The following DLG2 variants were observed in gnomAD, a reference collection of about 807,000 sequenced individuals.
DLG2 encodes discs large MAGUK scaffold protein 2.
DLG2 carries 45 observed loss-of-function variants against 132.5 expected under a neutral mutation model. The observed-to-expected ratio is 0.34, with a 90% CI of 0.27 to 0.44. The LOEUF (loss-of-function observed/expected upper bound fraction) is 0.44, where lower values mean the gene tolerates loss of function less well. DLG2 is among the 20% of genes least tolerant of loss of function. DLG2 has a pLI of 1.00. For synonymous variants in DLG2, 424 were observed against 419.6 expected, an observed-to-expected ratio of 1.01 and a Z score of -0.13; for missense variants, 1,045 against 1,196.9, an observed-to-expected ratio of 0.87 and a Z score of 1.87.
intron 18 of DLG2, among the ~76,000 whole-genome samples, chr11:83,681,467 C>A (rs1178811670): frequency 6.6e-6 from 1 of 152,136 alleles, no homozygotes. Flanking sequence ...AACAGTCATG[C>A]CTTCTGCATT....
In DLG2 at chr11:85,349,459, T is replaced by C. The variant is rs138582128; in HGVS notation, c.41-64094A>G. On this transcript the variant is annotated intron_variant, in intron 3 of 27. Transcript: ENST00000376104. ...AAAGTTCTAGGGTACATGTGCACAA[T>C]GTGTAGGTTTGATACATAGGTATAC... 7.4e-3 allele frequency among the ~76,000 whole-genome samples: 1,131 copies of C among 152,144 alleles called. 23 individuals are homozygous for C. Among genetic ancestry groups the C allele is most frequent in the African/African-American group, 0.026 (1,085 of 41,448 alleles).
chr11:84,336,264 A>G (rs1158676682), intron 7 of DLG2, among the ~76,000 whole-genome samples: 1 of 152,206 alleles, frequency 6.6e-6, no homozygotes, highest in Non-Finnish European at 1.5e-5. Context: ...TCACAACTGG[A>G]GGATAGCTGT....
intron 3 of DLG2, among the ~76,000 whole-genome samples, chr11:85,480,914 A>G (rs1477411358): frequency 1.3e-5 from 2 of 152,222 alleles, no homozygotes; most frequent in Non-Finnish European, 2.9e-5. Context: ...AACTCTTTCA[A>G]AATAGGCAAA....
chr11:85,197,874 GTCA>G (rs1156507632), intron 4 of DLG2, among the ~76,000 whole-genome samples: 1 of 152,236 alleles, frequency 6.6e-6, no homozygotes, highest in South Asian at 2.1e-4. Flanking sequence ...ATGGTATTGG[GTCA>G]TCATTTAGCT....
chr11:84,461,324 T>A (rs530320935), intron 7 of DLG2, among the ~76,000 whole-genome samples: 141 of 151,038 alleles, frequency 9.3e-4, no homozygotes, highest in Non-Finnish European at 1.5e-3. Flanking sequence ...ATGCCACACA[T>A]GGAACAATTA....
chr11:84,444,844 G>A (rs1013490621), intron 7 of DLG2, among the ~76,000 whole-genome samples: 3 of 143,632 alleles, frequency 2.1e-5, no homozygotes, highest in African/African-American at 7.8e-5. Context: ...CACTCTTGTC[G>A]TCCAGATTGG....
intron 6 of DLG2, among the ~76,000 whole-genome samples, chr11:84,712,355 G>T (rs946082348): frequency 2.0e-5 from 3 of 152,010 alleles, no homozygotes; most frequent in African/African-American, 4.8e-5. Context: ...AGTATGTATT[G>T]TCAAGGGGGT....
intron 7 of DLG2, among the ~76,000 whole-genome samples, chr11:84,407,714 T>C (rs780677122): frequency 1.3e-5 from 2 of 152,198 alleles, no homozygotes; most frequent in African/African-American, 2.4e-5. Context: ...GCAGTGCTAG[T>C]GTAACACTCT....
At chr11:84,129,479 G>T (rs2094322788) in intron 9 of DLG2, among the ~76,000 whole-genome samples, 1 of 152,082 alleles carries the variant, frequency 6.6e-6, no homozygotes, top group Admixed American at 6.6e-5. Flanking sequence ...ACTCAAACCT[G>T]AATGTTGTAC....
intron 4 of DLG2, among the ~76,000 whole-genome samples, chr11:85,243,172 T>C (rs2075973752): frequency 6.6e-6 from 1 of 152,016 alleles, no homozygotes; most frequent in Admixed American, 6.6e-5. Flanking sequence ...CACAGGTTAC[T>C]TATAATTTTT....
intron 3 of DLG2, among the ~76,000 whole-genome samples, chr11:85,344,528 T>C (rs960657292): frequency 6.6e-6 from 1 of 152,204 alleles, no homozygotes; most frequent in Non-Finnish European, 1.5e-5. Flanking sequence ...CTCTTGCCCA[T>C]GACTAGGCTC....
At chr11:85,230,712 G>A (rs754902068) in intron 4 of DLG2, among the ~76,000 whole-genome samples, 5 of 151,814 alleles carry the variant, frequency 3.3e-5, no homozygotes, top group Non-Finnish European at 5.9e-5. Flanking sequence ...TGGATATGTG[G>A]TGCTATGGTT....
chr11:84,302,613 A>T (rs1435788236), intron 7 of DLG2, among the ~76,000 whole-genome samples: 2 of 152,188 alleles, frequency 1.3e-5, no homozygotes, highest in African/African-American at 4.8e-5. Context: ...ACTGTAGTTA[A>T]CTCTAGGTGG....
intron 7 of DLG2, among the ~76,000 whole-genome samples, chr11:84,421,008 C>G (rs2098948944): frequency 6.6e-6 from 1 of 152,122 alleles, no homozygotes; most frequent in Non-Finnish European, 1.5e-5. Context: ...GAAACCTAAT[C>G]CTCAATGCAG....
chr11:84,573,173 A>G (rs2099489943), intron 6 of DLG2, among the ~76,000 whole-genome samples: 1 of 152,176 alleles, frequency 6.6e-6, no homozygotes, highest in Non-Finnish European at 1.5e-5. Flanking sequence ...GTGGTATTCA[A>G]CATGTGGTAA....
rs1034439585 is a variant in DLG2 at position 84,865,809 on chromosome 11, C to T, written c.357+245852G>A. On this transcript the variant is annotated intron_variant, in intron 6 of 27. Coordinates refer to ENST00000376104, the MANE Select transcript of DLG2 (RefSeq NM_001142699.3). ...TTTCACAAGTTGATTAAATTATTTC[C>T]TTCATAAGCATAAACAGTTTAGAGA... 9.2e-5 allele frequency among the ~76,000 whole-genome samples: 14 copies of T among 152,130 alleles called. 1 individual carries two copies. Among genetic ancestry groups the T allele is most frequent in the African/African-American group, 3.1e-4 (13 of 41,414 alleles).
Position 85,335,400 on chromosome 11 carries a change from T to C in DLG2, c.41-50035A>G, listed in dbSNP as rs2082060353. 2.0e-5 allele frequency among the ~76,000 whole-genome samples: 3 copies of C among 152,200 alleles called. No homozygotes were observed. In the South Asian group the frequency reaches 6.2e-4, roughly 32 times the overall value. On this transcript the variant is annotated intron_variant, in intron 3 of 27. Transcript: ENST00000376104. Reference sequence around the variant, plus strand: ...CCACTCTTTGCCTTTTATTGGGGCATTTAGCCCATTTACCTTCAAGGTTAT... The same window carrying C: ...CCACTCTTTGCCTTTTATTGGGGCACTTAGCCCATTTACCTTCAAGGTTAT...
intron 3 of DLG2, among the ~76,000 whole-genome samples, chr11:85,495,121 T>C (rs565947703): frequency 1.1e-4 from 17 of 152,072 alleles, no homozygotes; most frequent in Non-Finnish European, 1.5e-4. Context: ...ACTAAAATAA[T>C]AGAAATTAAA....
chr11:83,682,076 C>A, intron 18 of DLG2: 1 of 944,320 alleles, frequency 1.1e-6, no homozygotes, highest in Non-Finnish European at 1.3e-6. Flanking sequence ...ACACTTCTGA[C>A]AGCAAGTGCC....
Sources: allele counts gnomAD v4.1 joint callset (sites outside exome capture counted in the v4.1 genomes callset), GRCh38; gene constraint gnomAD v4.1.1; transcripts MANE v1.5; gene names NCBI Gene and HGNC (gene_info 2026-07-23, HGNC 2026-07-21).